The following AASDH variants were observed in gnomAD, a reference collection of about 807,000 sequenced individuals.
AASDH encodes aminoadipate-semialdehyde dehydrogenase.
AASDH carries 81 observed loss-of-function variants against 102.3 expected under a neutral mutation model. The observed-to-expected ratio is 0.79, with a 90% CI of 0.66 to 0.95. AASDH has a LOEUF of 0.95. Among genes scored for constraint, AASDH ranks in the 40% least tolerant of loss-of-function variants. The pLI is 0.00. For missense variants in AASDH, 1,203 were observed against 1,266.2 expected (o/e 0.95, Z 0.76); for synonymous variants, 398 against 454.0 (o/e 0.88, Z 1.57).
At chr4:56,345,429 G>T in intron 11 of AASDH, 139 bp from the exon 12 acceptor site, 1 of 720,218 alleles carries the variant, frequency 1.4e-6, no homozygotes, top group Non-Finnish European at 2.2e-6. Flanking sequence ...TTACATTTTA[G>T]CAATGTAAAG....
At chr4:56,347,617 C>A (rs1301563137) in intron 11 of AASDH, among the ~76,000 whole-genome samples, 2 of 152,110 alleles carry the variant, frequency 1.3e-5, no homozygotes, top group African/African-American at 4.8e-5. Context: ...AAAATGCTCA[C>A]CAGGCCAGAC....
chr4:56,349,661 G>A lies in AASDH; in HGVS notation c.2090C>T (p.Thr697Ile), dbSNP rs1222885299. Residue 697 changes from threonine (T) to isoleucine (I), a missense_variant, in exon 11 of 15, where the codon ACA (threonine) becomes ATA (isoleucine). Coordinates refer to ENST00000205214, the MANE Select transcript of AASDH (RefSeq NM_181806.4). ...GGCTGAAGAGCAATGTCCTAACTTT[G>A]TTAAAAACCTAGTGGAATTCAGAGA... ...ILSLNSTRFLTKLGHCSSACP... is the reference protein window; with the variant it reads ...ILSLNSTRFLIKLGHCSSACP... The A allele has an allele frequency of 1.9e-6, 3 of 1,614,158 alleles. No homozygotes were observed. In the South Asian group the frequency reaches 3.3e-5, roughly 18 times the overall value.
intron 5 of AASDH, among the ~76,000 whole-genome samples, chr4:56,364,383 C>T (rs1750720546): frequency 6.6e-6 from 1 of 152,032 alleles, no homozygotes; most frequent in Admixed American, 6.6e-5. Context: ...CAAAGATACT[C>T]TTCAAGAAGA....
Position 56,351,337 on chromosome 4 carries a change from T to G in AASDH, c.1692+5A>C. 1 of 1,510,804 alleles carries G rather than the reference T, an allele frequency of 6.6e-7. No homozygotes were observed. Among genetic ancestry groups the G allele is most frequent in the South Asian group, 1.2e-5 (1 of 85,210 alleles). The allele number at this position is 1,510,804 out of a possible 1,614,324, so 93.6% of individuals were successfully genotyped here. A position where few individuals can be genotyped will look rare whatever the true frequency, so the allele number is the denominator to read the frequency against. On this transcript the variant is annotated splice_donor_5th_base_variant and intron_variant, in intron 10 of 14. Transcript: ENST00000205214. The stretch of plus-strand genomic sequence containing the variant: ...AATAATAATTTTATAACTTAAAAAT[T>G]GTACCTTCCACAAATACTGTAATTT...
At chr4:56,339,669 T>C (rs1166458194) in intron 14 of AASDH, among the ~76,000 whole-genome samples, 4 of 148,676 alleles carry the variant, frequency 2.7e-5, no homozygotes, top group Non-Finnish European at 5.9e-5. Flanking sequence ...GAGAACCACT[T>C]GAACCTGGGA....
At chr4:56,366,812 A>C (rs1317584044) in intron 5 of AASDH, among the ~76,000 whole-genome samples, 2 of 151,026 alleles carry the variant, frequency 1.3e-5, no homozygotes, top group African/African-American at 4.9e-5. Flanking sequence ...AACTGGCACA[A>C]GACAGGGATG....
At chr4:56,353,686 A>C in intron 8 of AASDH, 90 bp from the exon 9 acceptor site, 1 of 1,223,342 alleles carries the variant, frequency 8.2e-7, no homozygotes, top group African/African-American at 1.5e-5. Flanking sequence ...AAATCAAAAC[A>C]GCTGAATTAA....
chr4:56,346,022 C>T (rs1397249289), intron 11 of AASDH, among the ~76,000 whole-genome samples: 1 of 152,228 alleles, frequency 6.6e-6, no homozygotes, highest in Non-Finnish European at 1.5e-5. Context: ...AACTAAACTG[C>T]TTTTCCCAAA....
In AASDH at chr4:56,380,236, G is replaced by A. The variant is rs889430096; in HGVS notation, c.352-1772C>T. On this transcript the variant is annotated intron_variant, in intron 3 of 14. Coordinates refer to ENST00000205214, the MANE Select transcript of AASDH (RefSeq NM_181806.4). ...GGGTTTCTGGCCCAGGTGATTTGGT[G>A]GATGGAGAAGAATTAATCCAGAAGT... Among the ~76,000 whole-genome samples the A allele has an allele frequency of 1.3e-5, 2 of 152,138 alleles. 1 individual carries two copies. Among genetic ancestry groups the A allele is most frequent in the Admixed American group, 1.3e-4 (2 of 15,270 alleles).
intron 3 of AASDH, among the ~76,000 whole-genome samples, chr4:56,380,179 T>C: frequency 6.6e-6 from 1 of 152,186 alleles, no homozygotes; most frequent in Non-Finnish European, 1.5e-5. Flanking sequence ...ATGGTGACTT[T>C]CTGGATATAG....
At position 56,338,774 on chromosome 4, in the gene AASDH, G is replaced by A. The variant is rs140104028; in HGVS notation, c.2925C>T (p.Thr975=). ...HFGEQVWQFS[T]SGPIFSSPCT... ...ACGGGGATGAAAAGATTGGTCCACTGGTAGAGAACTGCCAAACCTATAACA... is the reference window on the plus strand; with the variant it reads ...ACGGGGATGAAAAGATTGGTCCACTAGTAGAGAACTGCCAAACCTATAACA... The change falls in exon 15 of 15, where the codon ACC becomes ACT. Residue 975 remains threonine (T), a synonymous_variant. Transcript: ENST00000205214. The A allele has an allele frequency of 1.1e-5, 18 of 1,613,782 alleles. No individual in the cohort carries two copies. The highest frequency in any genetic ancestry group is 1.5e-5 in the Non-Finnish European group (18 of 1,179,956).
rs113304959 is a variant in AASDH, at chr4:56,342,110, CA to C, written c.2907+724del. Among the ~76,000 whole-genome samples, 757 of 97,164 alleles carry C rather than the reference CA, an allele frequency of 7.8e-3. 1 individual carries two copies. The highest frequency in any genetic ancestry group is 0.031 in the East Asian group (49 of 1,592). The allele number at this position is 97,164 out of a possible 152,430, so 63.7% of individuals were successfully genotyped here. A position where few individuals can be genotyped will look rare whatever the true frequency, so the allele number is the denominator to read the frequency against. ...CTGGTAACAGAGCAAGATTCTGTCT[CA>C]AAAAAAAAAAAAAAAAAAAAAAAGA... is the stretch of plus-strand genomic sequence containing the variant. On this transcript the variant is annotated intron_variant, in intron 14 of 14. Coordinates refer to ENST00000205214, the MANE Select transcript of AASDH (RefSeq NM_181806.4).
intron 3 of AASDH, among the ~76,000 whole-genome samples, chr4:56,379,445 T>G (rs1222634314): frequency 6.6e-6 from 1 of 152,166 alleles, no homozygotes; most frequent in Non-Finnish European, 1.5e-5. Flanking sequence ...TGCAGTTGGA[T>G]GAATCCTCGG....
At chr4:56,368,420 A>G (rs920080396) in intron 5 of AASDH, among the ~76,000 whole-genome samples, 4 of 152,256 alleles carry the variant, frequency 2.6e-5, no homozygotes, top group South Asian at 4.2e-4. Context: ...ACATGCGCAC[A>G]TATGTTTATT....
In AASDH at chr4:56,348,524, A is replaced by G. The variant is rs181886730; in HGVS notation, c.2488+739T>C. ...TCCACCTTGGCCTCTCAAAGTGCTG[A>G]TATTACAGCTGTGAGCCACCGCGCC... is the stretch of plus-strand genomic sequence containing the variant. On this transcript the variant is annotated intron_variant, in intron 11 of 14. Coordinates refer to ENST00000205214, the MANE Select transcript of AASDH (RefSeq NM_181806.4). Among the ~76,000 whole-genome samples the G allele has an allele frequency of 6.6e-5, 10 of 152,224 alleles. No individual in the cohort carries two copies. The East Asian group carries it at 1.7e-3, about 26-fold the overall frequency.
At chr4:56,378,743 G>C (rs1752634289) in intron 3 of AASDH, among the ~76,000 whole-genome samples, 1 of 148,296 alleles carries the variant, frequency 6.7e-6, no homozygotes, top group Non-Finnish European at 1.5e-5. Context: ...GTAAATAGTT[G>C]CTATATTTTT....
intron 4 of AASDH, among the ~76,000 whole-genome samples, chr4:56,373,890 T>C (rs1320929192): frequency 6.6e-6 from 1 of 152,034 alleles, no homozygotes; most frequent in Non-Finnish European, 1.5e-5. Context: ...ATAAGAAAAG[T>C]TGAAAAAAAA....
At chr4:56,371,738 C>T in intron 4 of AASDH, 95 bp from the exon 5 acceptor site, 1 of 1,172,580 alleles carries the variant, frequency 8.5e-7, no homozygotes, top group Non-Finnish European at 1.1e-6. Flanking sequence ...GATCAAGTTT[C>T]TGAATGTTGG....
chr4:56,345,323 T>C, intron 11 of AASDH, 33 bp from the exon 12 acceptor site: 1 of 1,582,356 alleles, frequency 6.3e-7, no homozygotes, highest in Non-Finnish European at 8.7e-7. Context: ...AGATTTGATA[T>C]AGATATATTA....
Sources: gnomAD v4.1 joint callset for allele counts (sites outside exome capture counted in the v4.1 genomes callset) on GRCh38, gnomAD v4.1.1 for gene constraint, MANE v1.5 for transcripts, NCBI Gene and HGNC (gene_info 2026-07-23, HGNC 2026-07-21) for gene names.